NALF1: variants seen among roughly 807,000 people sequenced by gnomAD.
NALF1 encodes the protein NALCN channel auxiliary factor 1.
A neutral mutation model predicts 48.4 loss-of-function variants in NALF1; 3 were observed. The ratio of observed to expected loss-of-function variants is 0.06; its 90% CI spans 0.03 to 0.16. NALF1 has a LOEUF of 0.16. Among genes scored for constraint, NALF1 ranks in the 10% least tolerant of loss-of-function variants. The probability of loss-of-function intolerance (pLI) is 1.00; values close to 1 mark genes in which losing one functional copy is unlikely to be tolerated. For missense variants in NALF1, 526 were observed against 571.5 expected (o/e 0.92, Z 0.81); for synonymous variants, 262 against 245.7 (o/e 1.07, Z -0.62).
chr13:107,568,375 C>T (rs924741672), intron 1 of NALF1, among the ~76,000 whole-genome samples: 1 of 152,202 alleles, frequency 6.6e-6, no homozygotes, highest in African/African-American at 2.4e-5. Flanking sequence ...GAATCATTTC[C>T]TGTTAGGGGC....
At chr13:107,251,450 C>CT (rs938720035) in intron 1 of NALF1, among the ~76,000 whole-genome samples, 5 of 152,146 alleles carry the variant, frequency 3.3e-5, no homozygotes, top group South Asian at 2.1e-4. Flanking sequence ...GAAGATTGTG[C>CT]TTTTTTTACA....
intron 1 of NALF1, among the ~76,000 whole-genome samples, chr13:107,270,913 T>G (rs1221955405): frequency 2.7e-5 from 4 of 150,576 alleles, no homozygotes. Context: ...GAATATGCGG[T>G]GTTTGGTTTT....
intron 1 of NALF1, among the ~76,000 whole-genome samples, chr13:107,698,126 C>T (rs889344607): frequency 6.6e-6 from 1 of 152,256 alleles, no homozygotes; most frequent in African/African-American, 2.4e-5. Context: ...TTACTGATAG[C>T]AATTACTTGC....
intron 1 of NALF1, among the ~76,000 whole-genome samples, chr13:107,729,449 T>C (rs1167691537): frequency 6.6e-6 from 1 of 151,990 alleles, no homozygotes; most frequent in Non-Finnish European, 1.5e-5. Flanking sequence ...AAATGTAATG[T>C]ATAAAGTTGC....
intron 1 of NALF1, among the ~76,000 whole-genome samples, chr13:107,472,414 A>C (rs1885115463): frequency 6.6e-6 from 1 of 152,122 alleles, no homozygotes; most frequent in South Asian, 2.1e-4. Flanking sequence ...GGATTGAAGG[A>C]TGTGAAGTAT....
At chr13:107,376,959 T>G (rs1394027376) in intron 1 of NALF1, among the ~76,000 whole-genome samples, 4 of 152,192 alleles carry the variant, frequency 2.6e-5, no homozygotes, top group Non-Finnish European at 5.9e-5. Context: ...CAATGATGGC[T>G]GTAAAACTGC....
At chr13:107,819,730 C>CTG (rs1879305427) in intron 1 of NALF1, among the ~76,000 whole-genome samples, 1 of 137,162 alleles carries the variant, frequency 7.3e-6, no homozygotes, top group Non-Finnish European at 1.5e-5. Flanking sequence ...GAAACTGTCT[C>CTG]TCTCTCTCTC....
rs1325859947 is a variant in NALF1, at chr13:107,359,701, AG to A, written c.916-148947del. Among the ~76,000 whole-genome samples the A allele has an allele frequency of 2.0e-5, 3 of 149,608 alleles. No homozygotes were observed. In the East Asian group the frequency reaches 6.0e-4, roughly 30 times the overall value. ...CCAAATAAAAAATGTTGCTGCCTCT[AG>A]GGGGTGGCATTTTAATAACTTTTTA... On this transcript the variant is annotated intron_variant, in intron 1 of 2. Coordinates refer to ENST00000375915, the MANE Select transcript of NALF1 (RefSeq NM_001080396.3).
chr13:107,377,126 C>A (rs1883353130), intron 1 of NALF1, among the ~76,000 whole-genome samples: 2 of 152,218 alleles, frequency 1.3e-5, no homozygotes, highest in Non-Finnish European at 2.9e-5. Flanking sequence ...TCTGCTCCCA[C>A]CCCACCCCCA....
intron 1 of NALF1, among the ~76,000 whole-genome samples, chr13:107,399,610 ATG>A (rs1229439452): frequency 2.6e-5 from 4 of 151,908 alleles, no homozygotes; most frequent in Non-Finnish European, 5.9e-5. Flanking sequence ...TACCTACAAA[ATG>A]CTTGTTGATT....
chr13:107,794,576 AG>A lies in NALF1; in HGVS notation c.915+71105del, dbSNP rs140110222. ...TCACCCACCAAAAAAAGAAAAAAAA[AG>A]AATCCTATTAACACCTGATATGCAA... is the stretch of plus-strand genomic sequence containing the variant. On this transcript the variant is annotated intron_variant, in intron 1 of 2. Coordinates refer to ENST00000375915, the MANE Select transcript of NALF1 (RefSeq NM_001080396.3). 5.6e-3 allele frequency among the ~76,000 whole-genome samples: 850 copies of A among 151,660 alleles called. 6 individuals carry two copies. The highest frequency in any genetic ancestry group is 0.031 in the Middle Eastern group (9 of 288).
intron 1 of NALF1, among the ~76,000 whole-genome samples, chr13:107,341,581 A>G (rs1594128290): frequency 6.6e-6 from 1 of 151,894 alleles, no homozygotes; most frequent in African/African-American, 2.4e-5. Flanking sequence ...ATGTATATCT[A>G]AATTGTGCAG....
At chr13:107,668,953 G>C (rs1880925164) in intron 1 of NALF1, among the ~76,000 whole-genome samples, 1 of 151,956 alleles carries the variant, frequency 6.6e-6, no homozygotes, top group African/African-American at 2.4e-5. Context: ...TTAAAAAAAA[G>C]ATACCTTCGA....
At chr13:107,448,062 A>C (rs117276156) in intron 1 of NALF1, among the ~76,000 whole-genome samples, 1,834 of 152,246 alleles carry the variant, frequency 0.012, 20 homozygotes, top group South Asian at 0.036. Flanking sequence ...GTAGACTTAA[A>C]TCTGCTCCCT....
intron 1 of NALF1, among the ~76,000 whole-genome samples, chr13:107,646,259 A>G (rs907899815): frequency 2.0e-5 from 3 of 151,558 alleles, no homozygotes; most frequent in Non-Finnish European, 4.4e-5. Context: ...GTACTCTTTC[A>G]CATACACTCC....
rs529291405 is a variant in NALF1, at chr13:107,534,265, C to T, written c.916-323510G>A. On this transcript the variant is annotated intron_variant, in intron 1 of 2. Transcript: ENST00000375915. Reference sequence around the variant, plus strand: ...TTTAGAGCCACAAACATGTTTACTTCAGAATTTTTGCCTCATCTTCCAATT... The same window carrying T: ...TTTAGAGCCACAAACATGTTTACTTTAGAATTTTTGCCTCATCTTCCAATT... Among the ~76,000 whole-genome samples the T allele has an allele frequency of 5.3e-4, 81 of 152,146 alleles. 2 individuals carry two copies. Among genetic ancestry groups the T allele is most frequent in the African/African-American group, 1.9e-3 (80 of 41,534 alleles).
chr13:107,238,661 G>A (rs1880403471), intron 1 of NALF1, among the ~76,000 whole-genome samples: 1 of 152,206 alleles, frequency 6.6e-6, no homozygotes, highest in Non-Finnish European at 1.5e-5. Context: ...GGCTTTCCAG[G>A]CAGACAGTAC....
rs549555320 is a variant in NALF1, at chr13:107,434,579, T to G, written c.916-223824A>C. Among the ~76,000 whole-genome samples the G allele has an allele frequency of 2.6e-5, 4 of 152,268 alleles. No homozygotes were observed. In the East Asian group the frequency reaches 7.7e-4, roughly 29 times the overall value. Reference sequence around the variant, plus strand: ...CAGCAATAAATGCTCACAGATAGAGTACAACTTGCATCACTGGACCTAAGT... The same window carrying G: ...CAGCAATAAATGCTCACAGATAGAGGACAACTTGCATCACTGGACCTAAGT... On this transcript the variant is annotated intron_variant, in intron 1 of 2. Transcript: ENST00000375915.
At chr13:107,187,838 C>T (rs755980283) in intron 2 of NALF1, among the ~76,000 whole-genome samples, 3 of 152,124 alleles carry the variant, frequency 2.0e-5, no homozygotes, top group Non-Finnish European at 2.9e-5. Flanking sequence ...TCTGTCTTTT[C>T]TCTCATATAC....
Sources: allele counts gnomAD v4.1 joint callset (sites outside exome capture counted in the v4.1 genomes callset), GRCh38; gene constraint gnomAD v4.1.1; transcripts MANE v1.5; gene names NCBI Gene and HGNC (gene_info 2026-07-23, HGNC 2026-07-21).